RNF13: variants seen among roughly 807,000 people sequenced by gnomAD.
RNF13 encodes the protein ring finger protein 13.
A neutral mutation model predicts 37.7 loss-of-function variants in RNF13; 19 were observed. That is an observed-to-expected ratio of 0.50 (90% CI 0.35 to 0.74). RNF13 has a LOEUF of 0.74. Ranked by LOEUF, RNF13 falls within the 30% of genes least tolerant of loss-of-function variation. RNF13 has a pLI of 0.01. For synonymous variants in RNF13, 144 were observed against 157.8 expected (o/e 0.91, Z 0.65); for missense variants, 375 against 453.0 (o/e 0.83, Z 1.56).
In RNF13 at chr3:149,947,365, C is replaced by T. The variant is rs867148991; in HGVS notation, c.701-12691C>T. 5.9e-4 allele frequency among the ~76,000 whole-genome samples: 89 copies of T among 150,324 alleles called. 1 individual carries two copies. Among genetic ancestry groups the T allele is most frequent in the Admixed American group, 4.2e-3 (63 of 15,082 alleles). Reference sequence around the variant, plus strand: ...CTTACTGAAAGTGGGGTATTGAAGTCGCCTGTTAGTATTGTGTTGCTGCTC... The same window carrying T: ...CTTACTGAAAGTGGGGTATTGAAGTTGCCTGTTAGTATTGTGTTGCTGCTC... On this transcript the variant is annotated intron_variant, in intron 8 of 9. Coordinates refer to ENST00000392894, the MANE Select transcript of RNF13 (RefSeq NM_183381.3).
intron 8 of RNF13, among the ~76,000 whole-genome samples, chr3:149,940,209 T>C (rs34754119): frequency 6.6e-6 from 1 of 152,140 alleles, no homozygotes; most frequent in Non-Finnish European, 1.5e-5. Flanking sequence ...TTTTTAGTGG[T>C]TGCCCTAGAG....
chr3:149,918,340 T>G (rs1414448928), intron 7 of RNF13, among the ~76,000 whole-genome samples: 1 of 152,164 alleles, frequency 6.6e-6, no homozygotes, highest in Non-Finnish European at 1.5e-5. Flanking sequence ...TCTAAATTTT[T>G]TGTGTGCTTA....
chr3:149,821,058 T>C (rs1348054608), intron 1 of RNF13, among the ~76,000 whole-genome samples: 1 of 152,236 alleles, frequency 6.6e-6, no homozygotes. Flanking sequence ...AGTTTGTTTA[T>C]CCATTTATCC....
chr3:149,913,842 G>GGT (rs1717229549), intron 7 of RNF13, among the ~76,000 whole-genome samples: 1 of 152,152 alleles, frequency 6.6e-6, no homozygotes, highest in African/African-American at 2.4e-5. Context: ...CCTTGGTTAA[G>GGT]GTAGTGTTTG....
chr3:149,961,369 A>G lies in RNF13; in HGVS notation c.*265A>G, dbSNP rs1722406644. ...AAAGTATAGCCAAAACATAAAAAAA[A>G]AAAAATCCTCAGTATAGCTTGCAAT... On this transcript the variant is annotated 3_prime_UTR_variant, in exon 10 of 10. Transcript: ENST00000392894. 1 of 598,490 alleles carries G rather than the reference A, an allele frequency of 1.7e-6. No individual in the cohort carries two copies. The allele number at this position is 598,490 out of a possible 1,614,324, so 37.1% of individuals were successfully genotyped here.
At chr3:149,871,539 A>T (rs113896858) in intron 3 of RNF13, among the ~76,000 whole-genome samples, 19 of 151,566 alleles carry the variant, frequency 1.3e-4, no homozygotes, top group African/African-American at 4.4e-4. Context: ...CCTTGTGGAT[A>T]TGCATGATTT....
rs57834705 is a variant in RNF13 at position 149,893,330 on chromosome 3, G to A, written c.322-2143G>A. 5.2e-3 allele frequency among the ~76,000 whole-genome samples: 798 copies of A among 152,296 alleles called. 6 individuals carry two copies. Among genetic ancestry groups the A allele is most frequent in the African/African-American group, 0.017 (727 of 41,566 alleles). ...TTTCAATGACTATGTGCTTTGGTTGGCTTTAAAAAGAAATTTAAAACTTAA... is the reference window on the plus strand; with the variant it reads ...TTTCAATGACTATGTGCTTTGGTTGACTTTAAAAAGAAATTTAAAACTTAA... On this transcript the variant is annotated intron_variant, in intron 4 of 9. Coordinates refer to ENST00000392894, the MANE Select transcript of RNF13 (RefSeq NM_183381.3).
chr3:149,901,758 C>T (rs1715865945), intron 5 of RNF13, among the ~76,000 whole-genome samples: 1 of 152,054 alleles, frequency 6.6e-6, no homozygotes, highest in Admixed American at 6.6e-5. Context: ...CTTCATCTTT[C>T]TTCTCTAATA....
chr3:149,926,617 AATTG>A (rs1231655777), intron 8 of RNF13, among the ~76,000 whole-genome samples: 2 of 152,146 alleles, frequency 1.3e-5, no homozygotes, highest in Non-Finnish European at 2.9e-5. Context: ...AATCCACATG[AATTG>A]ATTGTGTAAA....
At chr3:149,925,051 AC>A (rs1471672578) in intron 8 of RNF13, among the ~76,000 whole-genome samples, 1 of 152,186 alleles carries the variant, frequency 6.6e-6, no homozygotes, top group Non-Finnish European at 1.5e-5. Flanking sequence ...GTAGGAAATC[AC>A]CAACTGAGGG....
chr3:149,907,258 G>A (rs926673614), intron 6 of RNF13, among the ~76,000 whole-genome samples: 2 of 151,882 alleles, frequency 1.3e-5, no homozygotes, highest in Admixed American at 1.3e-4. Context: ...TTATCTAATT[G>A]CATTGGTAAT....
chr3:149,931,006 A>G (rs910192427), intron 8 of RNF13, among the ~76,000 whole-genome samples: 2 of 151,876 alleles, frequency 1.3e-5, no homozygotes, highest in African/African-American at 4.8e-5. Context: ...TCAAAGAACA[A>G]TATTTTGGTT....
Position 149,880,584 on chromosome 3 carries a change from T to C in RNF13, c.321+8430T>C, listed in dbSNP as rs111606167. Among the ~76,000 whole-genome samples the C allele has an allele frequency of 4.0e-4, 61 of 152,256 alleles. 1 individual carries two copies. Among genetic ancestry groups the C allele is most frequent in the Middle Eastern group, 3.4e-3 (1 of 294 alleles). ...TAGCAAGCATAACTACACATAAAGG[T>C]TATTCAGATTTTCTTAATGTCACTG... On this transcript the variant is annotated intron_variant, in intron 4 of 9. Coordinates refer to ENST00000392894, the MANE Select transcript of RNF13 (RefSeq NM_183381.3).
upstream of RNF13, chr3:149,813,022 T>G (rs1315395892): frequency 6.6e-6 from 1 of 152,368 alleles, no homozygotes; most frequent in African/African-American, 2.4e-5. Flanking sequence ...TGCTCTTCCC[T>G]TCCAGGGAAG....
intron 4 of RNF13, among the ~76,000 whole-genome samples, chr3:149,882,321 A>C (rs1234452258): frequency 2.6e-5 from 4 of 152,114 alleles, no homozygotes; most frequent in Non-Finnish European, 2.9e-5. Flanking sequence ...TAACCAACAG[A>C]TACGAGGAAA....
At chr3:149,891,540 T>C (rs1265719352) in intron 4 of RNF13, among the ~76,000 whole-genome samples, 1 of 152,212 alleles carries the variant, frequency 6.6e-6, no homozygotes, top group African/African-American at 2.4e-5. Flanking sequence ...TTAAACCTCT[T>C]GGTTAGGTGC....
intron 3 of RNF13, among the ~76,000 whole-genome samples, chr3:149,869,114 A>G (rs1295657048): frequency 2.0e-5 from 3 of 151,508 alleles, no homozygotes; most frequent in Admixed American, 6.6e-5. Flanking sequence ...TCCTTGATCC[A>G]TTCTGATGTT....
chr3:149,862,616 C>G (rs1210238411), intron 3 of RNF13, among the ~76,000 whole-genome samples: 1 of 152,048 alleles, frequency 6.6e-6, no homozygotes, highest in African/African-American at 2.4e-5. Flanking sequence ...ATTCCTAATT[C>G]ATTTTAACTG....
intron 8 of RNF13, among the ~76,000 whole-genome samples, chr3:149,923,889 G>A (rs956029403): frequency 2.0e-5 from 3 of 152,144 alleles, no homozygotes; most frequent in Non-Finnish European, 4.4e-5. Context: ...TGGAACAGAG[G>A]AGAGAGAGAA....
Sources: allele counts gnomAD v4.1 joint callset (sites outside exome capture counted in the v4.1 genomes callset), GRCh38; gene constraint gnomAD v4.1.1; transcripts MANE v1.5; gene names NCBI Gene and HGNC (gene_info 2026-07-23, HGNC 2026-07-21).